DGKB: variants seen among roughly 807,000 people sequenced by gnomAD.
The protein encoded by DGKB is diacylglycerol kinase beta.
DGKB carries 67 observed loss-of-function variants against 114.3 expected under a neutral mutation model. That is an observed-to-expected ratio of 0.59 (90% CI 0.48 to 0.72). The LOEUF is 0.72. Among genes scored for constraint, DGKB ranks in the 30% least tolerant of loss-of-function variants. The probability of loss-of-function intolerance (pLI) is 0.00; values close to 1 mark genes in which losing one functional copy is unlikely to be tolerated. For missense variants in DGKB, 907 were observed against 975.2 expected, an observed-to-expected ratio of 0.93 and a Z score of 0.93; for synonymous variants, 398 against 323.1, an observed-to-expected ratio of 1.23 and a Z score of -2.49.
intron 23 of DGKB, among the ~76,000 whole-genome samples, chr7:14,245,617 A>AT (rs200127805): frequency 3.3e-5 from 5 of 151,894 alleles, no homozygotes; most frequent in African/African-American, 7.3e-5. Context: ...AATTATAATA[A>AT]TTTTTTTTCC....
chr7:14,349,503 A>G (rs1438648193), intron 21 of DGKB, among the ~76,000 whole-genome samples: 10 of 152,196 alleles, frequency 6.6e-5, no homozygotes. Context: ...TATCCAAGAT[A>G]TGCTCACTTT....
intron 20 of DGKB, among the ~76,000 whole-genome samples, chr7:14,565,961 A>G (rs1797324953): frequency 1.3e-5 from 2 of 152,060 alleles, no homozygotes; most frequent in East Asian, 1.9e-4. Flanking sequence ...TTAACAGACT[A>G]TTGTCTAGCA....
chr7:14,269,915 G>A (rs1798031310), intron 23 of DGKB, among the ~76,000 whole-genome samples: 1 of 151,998 alleles, frequency 6.6e-6, no homozygotes, highest in Non-Finnish European at 1.5e-5. Flanking sequence ...TTAAAAGCCT[G>A]TAACACTTCA....
intron 13 of DGKB, among the ~76,000 whole-genome samples, chr7:14,652,328 C>A (rs906395823): frequency 6.6e-6 from 1 of 152,050 alleles, no homozygotes; most frequent in Admixed American, 6.6e-5. Flanking sequence ...CAGAACAGAG[C>A]CCTCAGAAAT....
intron 1 of DGKB, among the ~76,000 whole-genome samples, chr7:14,915,238 G>C (rs1448870717): frequency 6.6e-6 from 1 of 152,062 alleles, no homozygotes; most frequent in Admixed American, 6.6e-5. Flanking sequence ...GCTAGGCTTG[G>C]TGACACATGT....
chr7:14,544,062 G>A (rs959042691), intron 20 of DGKB, among the ~76,000 whole-genome samples: 1 of 152,160 alleles, frequency 6.6e-6, no homozygotes, highest in Non-Finnish European at 1.5e-5. Context: ...GATTATTTCT[G>A]AGAATCCAAA....
intron 23 of DGKB, among the ~76,000 whole-genome samples, chr7:14,317,680 G>T (rs1806856794): frequency 8.9e-6 from 1 of 112,796 alleles, no homozygotes; most frequent in African/African-American, 3.3e-5. Context: ...TGGGTAGGAA[G>T]AATCAATATT....
intron 23 of DGKB, among the ~76,000 whole-genome samples, chr7:14,227,914 A>C (rs1225006391): frequency 6.6e-6 from 1 of 152,162 alleles, no homozygotes; most frequent in African/African-American, 2.4e-5. Flanking sequence ...GAAAATATAA[A>C]ATAAAATAGT....
rs1187861495 is a variant in DGKB, at chr7:14,974,618, T to G, written c.-188+78A>C. 5 of 152,130 alleles carry G rather than the reference T, an allele frequency of 3.3e-5. No individual in the cohort carries two copies. The East Asian group carries it at 9.7e-4, about 29-fold the overall frequency. 9.4% of individuals were successfully genotyped at this position (152,130 alleles called of 1,614,324 possible). A position where few individuals can be genotyped will look rare whatever the true frequency, so the allele number is the denominator to read the frequency against. On this transcript the variant is annotated intron_variant, in intron 1 of 4. Transcript: ENST00000437998. ...TTATTCCATCAAATAGATCCTTATG[T>G]TATAATGATAAAACCATGCTTCCCT...
At chr7:14,238,358 T>C (rs1484783324) in intron 23 of DGKB, among the ~76,000 whole-genome samples, 1 of 152,042 alleles carries the variant, frequency 6.6e-6, no homozygotes, top group Non-Finnish European at 1.5e-5. Flanking sequence ...CCTTGCTTCT[T>C]CTTCTGCCCT....
intron 3 of DGKB, among the ~76,000 whole-genome samples, chr7:14,757,092 A>T (rs781395555): frequency 6.6e-6 from 1 of 152,078 alleles, no homozygotes; most frequent in Admixed American, 6.6e-5. Context: ...AGATTAAAAA[A>T]ATTCCTCCCT....
intron 23 of DGKB, among the ~76,000 whole-genome samples, chr7:14,182,624 T>C (rs1782806801): frequency 1.3e-5 from 2 of 152,174 alleles, no homozygotes; most frequent in Admixed American, 6.5e-5. Context: ...TCTGTGAAAA[T>C]AATTAGTGCT....
chr7:14,246,453 C>T (rs561256141), intron 23 of DGKB, among the ~76,000 whole-genome samples: 1 of 152,310 alleles, frequency 6.6e-6, no homozygotes, highest in African/African-American at 2.4e-5. Flanking sequence ...TTCTTAACCC[C>T]TGTGGCAAAC....
chr7:14,634,311 T>A (rs1810311710), intron 13 of DGKB, among the ~76,000 whole-genome samples: 1 of 151,508 alleles, frequency 6.6e-6, no homozygotes, highest in African/African-American at 2.4e-5. Flanking sequence ...GAATATTGCT[T>A]CCCTAACCCA....
chr7:14,901,004 C>T lies in DGKB; in HGVS notation c.-188+1588G>A, dbSNP rs534178891. Among the ~76,000 whole-genome samples, 6 of 152,056 alleles carry T rather than the reference C, an allele frequency of 3.9e-5. No individual in the cohort carries two copies. The South Asian group carries it at 8.3e-4, about 21-fold the overall frequency. On this transcript the variant is annotated intron_variant, in intron 1 of 25. Transcript: ENST00000402815. The stretch of plus-strand genomic sequence containing the variant: ...CTCATTGCTGTCAAAAATTTTTAAC[C>T]ACCCTCATGTATGCACTATTGTAGC...
At chr7:14,272,102 G>C (rs1798347143) in intron 23 of DGKB, among the ~76,000 whole-genome samples, 1 of 152,114 alleles carries the variant, frequency 6.6e-6, no homozygotes, top group Non-Finnish European at 1.5e-5. Context: ...ATAATCTGAT[G>C]TGCAAGGCAA....
At chr7:14,547,380 A>G (rs1794450585) in intron 20 of DGKB, among the ~76,000 whole-genome samples, 1 of 152,216 alleles carries the variant, frequency 6.6e-6, no homozygotes, top group Admixed American at 6.5e-5. Context: ...AATAAAATGA[A>G]AATGTATGAC....
intron 20 of DGKB, among the ~76,000 whole-genome samples, chr7:14,485,096 C>CACACA (rs1389735766): frequency 7.1e-6 from 1 of 141,506 alleles, no homozygotes; most frequent in East Asian, 2.2e-4. Context: ...CACACACACA[C>CACACA]CACACACACA....
chr7:14,662,241 A>G (rs1394334986), intron 13 of DGKB, among the ~76,000 whole-genome samples: 1 of 151,512 alleles, frequency 6.6e-6, no homozygotes, highest in Non-Finnish European at 1.5e-5. Flanking sequence ...AAAAAAAGAG[A>G]TATGAGAGTT....
Sources: gnomAD v4.1 joint callset for allele counts (sites outside exome capture counted in the v4.1 genomes callset) on GRCh38, gnomAD v4.1.1 for gene constraint, MANE v1.5 for transcripts, NCBI Gene and HGNC (gene_info 2026-07-23, HGNC 2026-07-21) for gene names.